ING5: variants seen among roughly 807,000 people sequenced by gnomAD.
ING5 encodes inhibitor of growth protein 5.
ING5 carries 17 observed loss-of-function variants against 37.4 expected under a neutral mutation model. The ratio of observed to expected loss-of-function variants is 0.45; its 90% CI spans 0.31 to 0.68. The LOEUF is 0.68. ING5 is among the 30% of genes least tolerant of loss of function. The probability of loss-of-function intolerance (pLI) is 0.05; values close to 1 mark genes in which losing one functional copy is unlikely to be tolerated. For synonymous variants in ING5, 123 were observed against 116.6 expected (o/e 1.06, Z -0.36); for missense variants, 233 against 311.9 (o/e 0.75, Z 1.91).
At chr2:241,688,271 GC>G (rs1430262217) in intron 1 of ING5, among the ~76,000 whole-genome samples, 1 of 150,444 alleles carries the variant, frequency 6.6e-6, no homozygotes, top group African/African-American at 2.4e-5. Context: ...GGCACCCTCA[GC>G]CAGAAATATA....
At chr2:241,718,989 T>C (rs1042015696) in intron 5 of ING5, among the ~76,000 whole-genome samples, 10 of 152,200 alleles carry the variant, frequency 6.6e-5, no homozygotes, top group African/African-American at 2.4e-4. Context: ...GAAATTTCTG[T>C]TCTCCCCAGG....
chr2:241,720,477 T>A (rs1056821941), intron 5 of ING5: 2 of 1,011,704 alleles, frequency 2.0e-6, no homozygotes, highest in South Asian at 9.3e-5. Flanking sequence ...TCGTCTGAGA[T>A]CCCGTGACCT....
At chr2:241,688,668 G>C (rs2069493992) in intron 1 of ING5, among the ~76,000 whole-genome samples, 1 of 152,106 alleles carries the variant, frequency 6.6e-6, no homozygotes, top group African/African-American at 2.4e-5. Flanking sequence ...CTGTCCCCCA[G>C]GCTGGAGTGC....
At chr2:241,695,504 G>A (rs927425312) in intron 2 of ING5, among the ~76,000 whole-genome samples, 9 of 152,152 alleles carry the variant, frequency 5.9e-5, no homozygotes. Context: ...TGGCCAATTT[G>A]GTGAAAGCCC....
intron 3 of ING5, among the ~76,000 whole-genome samples, chr2:241,709,980 TCGCC>T (rs2070054725): frequency 6.6e-6 from 1 of 151,988 alleles, no homozygotes. Flanking sequence ...TCTTGCTCTG[TCGCC>T]CAGGCTGGAG....
At chr2:241,719,221 C>T (rs1029231780) in intron 5 of ING5, among the ~76,000 whole-genome samples, 1 of 152,264 alleles carries the variant, frequency 6.6e-6, no homozygotes, top group Non-Finnish European at 1.5e-5. Flanking sequence ...GATTTTCCCT[C>T]TGCTTTTAGT....
At chr2:241,691,259 T>G (rs2069549950) in intron 2 of ING5, among the ~76,000 whole-genome samples, 1 of 151,640 alleles carries the variant, frequency 6.6e-6, no homozygotes, top group East Asian at 2.0e-4. Context: ...GACAACATGG[T>G]GAAACACCGT....
At chr2:241,716,542 A>G (rs958388366) in intron 5 of ING5, among the ~76,000 whole-genome samples, 61 of 151,524 alleles carry the variant, frequency 4.0e-4, no homozygotes, top group African/African-American at 9.7e-4. Context: ...TGATCCACCC[A>G]CCTCGGCCTC....
Position 241,720,959 on chromosome 2 carries a change from A to C in ING5, c.483-1980A>C, listed in dbSNP as rs1051182483. Reference sequence around the variant, plus strand: ...GGTGCCCTTGCTGGGCGGTCCCCTCAGGCCCCCGGCCCTCTCCCACAGCCA... The same window carrying C: ...GGTGCCCTTGCTGGGCGGTCCCCTCCGGCCCCCGGCCCTCTCCCACAGCCA... On this transcript the variant is annotated intron_variant, in intron 5 of 7. Transcript: ENST00000313552. 11 of 985,554 alleles carry C rather than the reference A, an allele frequency of 1.1e-5. No individual in the cohort carries two copies. In the African/African-American group the frequency reaches 1.7e-4, roughly 16 times the overall value. The allele number at this position is 985,554 out of a possible 1,614,324, so 61.1% of individuals were successfully genotyped here.
At chr2:241,721,374 A>C in intron 5 of ING5, 4 of 985,502 alleles carry the variant, frequency 4.1e-6, no homozygotes, top group Non-Finnish European at 4.8e-6. Context: ...ACCCCTGTCT[A>C]TTCCCAGACA....
chr2:241,726,259 A>G lies in ING5; in HGVS notation c.*1228A>G, dbSNP rs1437891159. The G allele has an allele frequency of 6.6e-6, 1 of 152,184 alleles. No homozygotes were observed. The highest frequency in any genetic ancestry group is 2.4e-5 in the African/African-American group (1 of 41,436). The allele number at this position is 152,184 out of a possible 1,614,324, so 9.4% of individuals were successfully genotyped here. On this transcript the variant is annotated 3_prime_UTR_variant, in exon 8 of 8. Transcript: ENST00000313552. ...AAACCTGAGGGAAAACTGAGACGTG[A>G]GGTTCCTGATTTAAGAAGCCTGGGT...
At chr2:241,699,127 T>A (rs2069676868), upstream of ING5, among the ~76,000 whole-genome samples, 1 of 151,952 alleles carries the variant, frequency 6.6e-6, no homozygotes, top group South Asian at 2.1e-4. Flanking sequence ...TAGGTTCAAA[T>A]GATTCTCCTG....
chr2:241,691,059 C>T (rs992206736), intron 2 of ING5, among the ~76,000 whole-genome samples: 2 of 151,834 alleles, frequency 1.3e-5, no homozygotes, highest in Non-Finnish European at 2.9e-5. Flanking sequence ...GTCCACCTGC[C>T]TCAGCCTCCC....
rs541432093 is a variant in ING5, at chr2:241,721,057, C to T, written c.483-1882C>T. ...CAAGTGGCAGCTCAAGATGTCAGGT[C>T]GGGCTTTGTGGACAGAATTGGACTC... is the stretch of plus-strand genomic sequence containing the variant. On this transcript the variant is annotated intron_variant, in intron 5 of 7. Coordinates refer to ENST00000313552, the MANE Select transcript of ING5 (RefSeq NM_032329.6). 188 of 985,612 alleles carry T rather than the reference C, an allele frequency of 1.9e-4. No individual in the cohort carries two copies. In the African/African-American group the frequency reaches 2.9e-3, roughly 15 times the overall value. The allele number at this position is 985,612 out of a possible 1,614,324, so 61.1% of individuals were successfully genotyped here. A position where few individuals can be genotyped will look rare whatever the true frequency, so the allele number is the denominator to read the frequency against.
At position 241,723,213 on chromosome 2, in the gene ING5, C is replaced by T. The variant is rs776748116; in HGVS notation, c.622C>T (p.Pro208Ser). The change falls in exon 7 of 8, where the codon CCA (proline) becomes TCA (serine). Residue 208 changes from proline (P) to serine (S), a missense_variant. Pro to Ser is a moderately conservative substitution (Grantham distance 74). Coordinates refer to ENST00000313552, the MANE Select transcript of ING5 (RefSeq NM_032329.6). ...EMIGCDNPDC[P>S]IEWFHFACVD... ...GGTTTCTCCCTTTACTTTGCAGTGT[C>T]CAATTGAGTGGTTTCACTTTGCCTG... 1.1e-5 allele frequency: 17 copies of T among 1,614,218 alleles called. 1 individual carries two copies. In the South Asian group the frequency reaches 1.8e-4, roughly 17 times the overall value.
intron 1 of ING5, among the ~76,000 whole-genome samples, chr2:241,702,813 C>A (rs1482735183): frequency 6.6e-6 from 1 of 152,260 alleles, no homozygotes; most frequent in Non-Finnish European, 1.5e-5. Context: ...CAGGGTCTCC[C>A]GCTCGTAGAG....
At chr2:241,720,247 T>C in intron 5 of ING5, 1 of 1,231,116 alleles carries the variant, frequency 8.1e-7, no homozygotes, top group Admixed American at 4.2e-5. Flanking sequence ...AGTTCTGTGG[T>C]GCGCGTCCCT....
intron 1 of ING5, among the ~76,000 whole-genome samples, chr2:241,688,647 G>A (rs976951797): frequency 2.0e-5 from 3 of 151,958 alleles, no homozygotes; most frequent in Non-Finnish European, 4.4e-5. Context: ...TATTTGAGAC[G>A]GAGTCCTGCT....
In ING5 at chr2:241,695,995, G is replaced by C. The variant is rs571786264; in HGVS notation, c.43+5342G>C. On this transcript the variant is annotated intron_variant, in intron 2 of 7. Coordinates refer to the ING5 transcript ENST00000636051. ...TACCTATAGTCCCAGCATTTGCGGA[G>C]GCCAAGGCAAGAAGATTGCTTGAGC... Among the ~76,000 whole-genome samples, 3 of 152,240 alleles carry C rather than the reference G, an allele frequency of 2.0e-5. No individual in the cohort carries two copies. The East Asian group carries it at 5.8e-4, about 29-fold the overall frequency.
Sources: gnomAD v4.1 joint callset for allele counts (sites outside exome capture counted in the v4.1 genomes callset) on GRCh38, gnomAD v4.1.1 for gene constraint, MANE v1.5 for transcripts, NCBI Gene and HGNC (gene_info 2026-07-23, HGNC 2026-07-21) for gene names.